The following ADAM22 variants were observed in gnomAD, a reference collection of about 807,000 sequenced individuals.
ADAM22 encodes disintegrin and metalloproteinase domain-containing protein 22.
In ADAM22, 65 loss-of-function variants were observed where a neutral mutation model predicts 144.6. That is an observed-to-expected ratio of 0.45 (90% CI 0.37 to 0.55). The LOEUF (loss-of-function observed/expected upper bound fraction) is 0.55, where lower values mean the gene tolerates loss of function less well. ADAM22 is among the 20% of genes least tolerant of loss of function. ADAM22 has a pLI of 0.00. For synonymous variants in ADAM22, 391 were observed against 412.6 expected, an observed-to-expected ratio of 0.95 and a Z score of 0.63; for missense variants, 974 against 1,184.9, an observed-to-expected ratio of 0.82 and a Z score of 2.61.
chr7:88,076,726 G>A lies in ADAM22; in HGVS notation c.390+1034G>A, dbSNP rs1291006807. ...CCCAGATCTGCAGATGGTATAATCT[G>A]AGAGCATATGAAAACAAAAGCCACC... On this transcript the variant is annotated intron_variant, in intron 4 of 31. Coordinates refer to ENST00000413139, the MANE Select transcript of ADAM22 (RefSeq NM_001324418.2). 2.0e-5 allele frequency among the ~76,000 whole-genome samples: 3 copies of A among 152,326 alleles called. No homozygotes were observed. The East Asian group carries it at 5.8e-4, about 29-fold the overall frequency.
At chr7:87,954,106 T>G (rs1288667815) in intron 2 of ADAM22, among the ~76,000 whole-genome samples, 2 of 152,164 alleles carry the variant, frequency 1.3e-5, no homozygotes, top group Admixed American at 6.5e-5. Flanking sequence ...AATTTGCCAG[T>G]CTGTGTCTTT....
chr7:88,013,810 C>T (rs1322954635), intron 3 of ADAM22, among the ~76,000 whole-genome samples: 1 of 152,110 alleles, frequency 6.6e-6, no homozygotes, highest in Non-Finnish European at 1.5e-5. Context: ...AAAGTGTTTC[C>T]CACACTCATG....
Position 88,170,051 on chromosome 7 carries a change from G to T in ADAM22, c.2283-1493G>T, listed in dbSNP as rs551588392. On this transcript the variant is annotated intron_variant, in intron 25 of 31. Transcript: ENST00000413139. ...TTAGAATGAAAATCACTTTTTTTCT[G>T]CAGGTGACTTCTTATTTTTATGGCA... Among the ~76,000 whole-genome samples the T allele has an allele frequency of 2.3e-4, 35 of 151,784 alleles. No homozygotes were observed. In the South Asian group the frequency reaches 5.6e-3, roughly 24 times the overall value.
intron 3 of ADAM22, among the ~76,000 whole-genome samples, chr7:88,019,857 A>ATGTGTGTGTGTG (rs35909431): frequency 2.9e-5 from 4 of 138,944 alleles, no homozygotes; most frequent in South Asian, 2.6e-4. Flanking sequence ...CTCAAAAAAT[A>ATGTGTGTGTGTG]TGTGTGTGTG....
chr7:88,122,482 T>C (rs1829533016), intron 7 of ADAM22, among the ~76,000 whole-genome samples: 1 of 152,206 alleles, frequency 6.6e-6, no homozygotes, highest in Non-Finnish European at 1.5e-5. Context: ...TTCTTCTCTT[T>C]GGCCCCCAGT....
At chr7:88,012,868 A>C (rs182866049) in intron 3 of ADAM22, among the ~76,000 whole-genome samples, 69 of 152,282 alleles carry the variant, frequency 4.5e-4, no homozygotes, top group African/African-American at 1.6e-3. Context: ...AGGTAGGATA[A>C]AGTTCTGGTG....
At chr7:87,996,800 C>T (rs1219872643) in intron 3 of ADAM22, among the ~76,000 whole-genome samples, 1 of 152,202 alleles carries the variant, frequency 6.6e-6, no homozygotes, top group African/African-American at 2.4e-5. Flanking sequence ...GTGCCTGGCT[C>T]TATACTATTT....
At chr7:88,057,077 G>C (rs1391124726) in intron 3 of ADAM22, among the ~76,000 whole-genome samples, 1 of 152,056 alleles carries the variant, frequency 6.6e-6, no homozygotes, top group Non-Finnish European at 1.5e-5. Flanking sequence ...GTTAGATTGA[G>C]GGTAGGGCAG....
intron 26 of ADAM22, among the ~76,000 whole-genome samples, chr7:88,175,527 G>A (rs1845423179): frequency 6.6e-6 from 1 of 151,978 alleles, no homozygotes; most frequent in East Asian, 1.9e-4. Context: ...TACGTTTTGA[G>A]GGGGAAAAAA....
At position 87,981,106 on chromosome 7, in the gene ADAM22, G is replaced by A. The variant is rs546016530; in HGVS notation, c.323+2694G>A. Among the ~76,000 whole-genome samples the A allele has an allele frequency of 2.0e-5, 3 of 152,180 alleles. No homozygotes were observed. The East Asian group carries it at 5.8e-4, about 29-fold the overall frequency. The stretch of plus-strand genomic sequence containing the variant: ...GGATAATTAAACTGCTCCAAACAAT[G>A]CAAGATGTTGAAAAATGTTTCCTTT... On this transcript the variant is annotated intron_variant, in intron 3 of 31. Transcript: ENST00000413139.
At chr7:87,955,348 T>G (rs763650499) in intron 2 of ADAM22, among the ~76,000 whole-genome samples, 16 of 151,750 alleles carry the variant, frequency 1.1e-4, no homozygotes, top group Non-Finnish European at 2.1e-4. Flanking sequence ...GTTTTCCTTC[T>G]AACAGACAGG....
chr7:87,964,888 C>T (rs376194694), intron 2 of ADAM22, among the ~76,000 whole-genome samples: 1 of 152,186 alleles, frequency 6.6e-6, no homozygotes, highest in Non-Finnish European at 1.5e-5. Flanking sequence ...TACTGAATCA[C>T]TGTTAAAGAT....
chr7:88,171,680 C>T, intron 26 of ADAM22, 119 bp downstream of exon 26: 1 of 797,980 alleles, frequency 1.3e-6, no homozygotes. Flanking sequence ...AATAATCATA[C>T]ACTAATCGAT....
intron 3 of ADAM22, among the ~76,000 whole-genome samples, chr7:88,055,852 C>T (rs1192641697): frequency 6.6e-6 from 1 of 152,182 alleles, no homozygotes; most frequent in Non-Finnish European, 1.5e-5. Flanking sequence ...TTCATCTCGA[C>T]ATCTTTTGGC....
Position 88,077,241 on chromosome 7 carries a change from C to T in ADAM22, c.390+1549C>T, listed in dbSNP as rs571504661. Among the ~76,000 whole-genome samples, 3 of 152,186 alleles carry T rather than the reference C, an allele frequency of 2.0e-5. No homozygotes were observed. In the East Asian group the frequency reaches 5.8e-4, roughly 29 times the overall value. The stretch of plus-strand genomic sequence containing the variant: ...CCAAAATAAATTATATTGTCCTATT[C>T]AAATGACATTCTGAAGATAATTGAG... On this transcript the variant is annotated intron_variant, in intron 4 of 31. Transcript: ENST00000413139.
chr7:88,173,688 G>A (rs969865844), intron 26 of ADAM22, among the ~76,000 whole-genome samples: 2 of 152,044 alleles, frequency 1.3e-5, no homozygotes, highest in Non-Finnish European at 2.9e-5. Flanking sequence ...AGTTGTTATT[G>A]ATTTTAAATG....
chr7:88,075,496 G>C, intron 3 of ADAM22, 130 bp from the exon 4 acceptor site: 3 of 726,354 alleles, frequency 4.1e-6, no homozygotes, highest in Non-Finnish European at 2.4e-6. Flanking sequence ...GAGAGAGAGA[G>C]AGACCTATAA....
rs570752884 is a variant in ADAM22, at chr7:87,949,983, T to C, written c.246+14797T>C. ...TTTCTTAGGAGGTGGATGTTACCCA[T>C]ACTCCATGAAATCTTCATGCCTCTA... On this transcript the variant is annotated intron_variant, in intron 2 of 31. Coordinates refer to ENST00000413139, the MANE Select transcript of ADAM22 (RefSeq NM_001324418.2). Among the ~76,000 whole-genome samples the C allele has an allele frequency of 5.7e-4, 86 of 151,888 alleles. 1 individual carries two copies. Among genetic ancestry groups the C allele is most frequent in the African/African-American group, 2.0e-3 (82 of 41,500 alleles).
At chr7:88,025,553 A>T (rs10280845) in intron 3 of ADAM22, among the ~76,000 whole-genome samples, 1 of 152,208 alleles carries the variant, frequency 6.6e-6, no homozygotes, top group African/African-American at 2.4e-5. Flanking sequence ...GTATATGGCA[A>T]GAGATAGGGG....
Sources: allele counts gnomAD v4.1 joint callset (sites outside exome capture counted in the v4.1 genomes callset), GRCh38; gene constraint gnomAD v4.1.1; transcripts MANE v1.5; gene names NCBI Gene and HGNC (gene_info 2026-07-23, HGNC 2026-07-21).